The following STPG2 variants were observed in gnomAD, a reference collection of about 807,000 sequenced individuals.
The protein encoded by STPG2 is sperm tail PG-rich repeat containing 2, also known as sperm-tail PG-rich repeat-containing protein 2.
In STPG2, 56 loss-of-function variants were observed where a neutral mutation model predicts 54.2. The observed-to-expected ratio is 1.03, with a 90% CI of 0.83 to 1.29. The LOEUF (loss-of-function observed/expected upper bound fraction) is 1.29. Among genes scored for constraint, STPG2 ranks in the 50% most tolerant of loss-of-function variants. The probability of loss-of-function intolerance (pLI) is 0.00; values close to 1 mark genes in which losing one functional copy is unlikely to be tolerated. For synonymous variants in STPG2, 200 were observed against 181.8 expected, an observed-to-expected ratio of 1.10 and a Z score of -0.81; for missense variants, 596 against 544.9, an observed-to-expected ratio of 1.09 and a Z score of -0.93.
intron 4 of STPG2, among the ~76,000 whole-genome samples, chr4:97,516,339 T>G (rs1378381330): frequency 2.0e-5 from 3 of 152,100 alleles, no homozygotes; most frequent in Non-Finnish European, 2.9e-5. Context: ...CAGACTCATC[T>G]AACCCATTCA....
intron 5 of STPG2, among the ~76,000 whole-genome samples, chr4:98,012,187 C>T (rs903630869): frequency 2.5e-4 from 38 of 152,172 alleles, no homozygotes; most frequent in Non-Finnish European, 7.3e-5. Context: ...GTTTTCCCAG[C>T]ACCACTTATT....
chr4:97,892,924 CA>C (rs1432477406), intron 8 of STPG2: 1 of 152,116 alleles, frequency 6.6e-6, no homozygotes, highest in Non-Finnish European at 1.5e-5. Context: ...TTCTTTTGTA[CA>C]GCAAAATCAA....
chr4:97,579,880 T>A (rs988786980), intron 10 of STPG2, among the ~76,000 whole-genome samples: 7 of 152,048 alleles, frequency 4.6e-5, no homozygotes, highest in Non-Finnish European at 8.8e-5. Flanking sequence ...ACTAATCCCA[T>A]AAGTTGTAGA....
chr4:98,057,655 T>C (rs1214716197), intron 5 of STPG2, among the ~76,000 whole-genome samples: 1 of 152,066 alleles, frequency 6.6e-6, no homozygotes, highest in Admixed American at 6.5e-5. Context: ...CATGAAAACT[T>C]CCCCAACCTA....
In STPG2 at chr4:98,019,462, G is replaced by C. The variant is rs534090519; in HGVS notation, c.613-38144C>G. Reference sequence around the variant, plus strand: ...AAGTCAGGTAGCATGATGCCTCCGGGTTTATTCTTTTGGCTTAGGATTGAC... The same window carrying C: ...AAGTCAGGTAGCATGATGCCTCCGGCTTTATTCTTTTGGCTTAGGATTGAC... On this transcript the variant is annotated intron_variant, in intron 5 of 10. Transcript: ENST00000295268. Among the ~76,000 whole-genome samples the C allele has an allele frequency of 1.1e-3, 163 of 151,988 alleles. 1 individual carries two copies. Among genetic ancestry groups the C allele is most frequent in the South Asian group, 1.7e-3 (8 of 4,814 alleles).
At chr4:97,592,952 G>A (rs1482412707) in intron 10 of STPG2, among the ~76,000 whole-genome samples, 1 of 152,118 alleles carries the variant, frequency 6.6e-6, no homozygotes, top group East Asian at 1.9e-4. Context: ...AGCATTACCA[G>A]GGATGCCCAA....
At chr4:97,594,754 C>T (rs933600656) in intron 10 of STPG2, among the ~76,000 whole-genome samples, 1 of 152,174 alleles carries the variant, frequency 6.6e-6, no homozygotes, top group Non-Finnish European at 1.5e-5. Flanking sequence ...GGGCAGGTCA[C>T]CATCAAAGGG....
At chr4:97,737,209 G>C (rs186293057) in intron 9 of STPG2, among the ~76,000 whole-genome samples, 238 of 152,272 alleles carry the variant, frequency 1.6e-3, no homozygotes, top group African/African-American at 5.6e-3. Context: ...AACCCCATCT[G>C]TATGTCACCA....
chr4:97,508,903 T>C (rs1391326004), intron 4 of STPG2, among the ~76,000 whole-genome samples: 1 of 152,150 alleles, frequency 6.6e-6, no homozygotes, highest in Non-Finnish European at 1.5e-5. Context: ...ACCCATCTCT[T>C]GCATCATAAA....
chr4:97,536,813 C>A (rs987875447), intron 4 of STPG2, among the ~76,000 whole-genome samples: 5 of 152,274 alleles, frequency 3.3e-5, no homozygotes, highest in Admixed American at 3.3e-4. Context: ...GGAACTCATA[C>A]ATCTTAAATA....
At chr4:98,124,426 T>C (rs946544882) in intron 3 of STPG2, among the ~76,000 whole-genome samples, 2 of 152,180 alleles carry the variant, frequency 1.3e-5, no homozygotes, top group Non-Finnish European at 2.9e-5. Flanking sequence ...TATTTCTCCT[T>C]CACTTATGAA....
In STPG2 at chr4:97,850,833, A is replaced by G. The variant is rs113332601; in HGVS notation, c.1045-9901T>C. ...ACTTGGGCACATTGATATTCTAAAT[A>G]AAATTGGGTTCTGTTAGCAAGAAAG... On this transcript the variant is annotated intron_variant, in intron 8 of 10. Transcript: ENST00000295268. Among the ~76,000 whole-genome samples the G allele has an allele frequency of 5.3e-3, 801 of 152,286 alleles. 3 individuals carry two copies. Among genetic ancestry groups the G allele is most frequent in the Middle Eastern group, 0.02 (6 of 294 alleles).
intron 2 of STPG2, among the ~76,000 whole-genome samples, chr4:98,128,967 C>A (rs1739909983): frequency 6.6e-6 from 1 of 152,086 alleles, no homozygotes; most frequent in Non-Finnish European, 1.5e-5. Flanking sequence ...CTCCTGACCT[C>A]AAATGATCTG....
intron 10 of STPG2, among the ~76,000 whole-genome samples, chr4:97,661,451 A>G (rs975039534): frequency 3.3e-5 from 5 of 152,168 alleles, no homozygotes; most frequent in African/African-American, 4.8e-5. Flanking sequence ...ATCCATATCC[A>G]TCATATCATT....
chr4:98,128,769 A>T (rs1015002962), intron 2 of STPG2, among the ~76,000 whole-genome samples, 177 bp from the exon 3 acceptor site: 4 of 152,090 alleles, frequency 2.6e-5, no homozygotes, highest in Non-Finnish European at 5.9e-5. Context: ...TCACTCTGTC[A>T]CCCAGGCTGG....
In STPG2 at chr4:97,952,716, A is replaced by G. The variant is rs1015351375; in HGVS notation, c.934-8709T>C. 9.2e-5 allele frequency among the ~76,000 whole-genome samples: 14 copies of G among 152,130 alleles called. 1 individual carries two copies. The highest frequency in any genetic ancestry group is 7.9e-4 in the Admixed American group (12 of 15,272). ...GACTCTATGAGATTCCTTCGTTATA[A>G]ATAGCCTTAGTGTGTTGGTTTTCTC... On this transcript the variant is annotated intron_variant, in intron 7 of 10. Transcript: ENST00000295268.
At chr4:97,821,289 C>T (rs1291350041) in intron 9 of STPG2, among the ~76,000 whole-genome samples, 1 of 152,166 alleles carries the variant, frequency 6.6e-6, no homozygotes, top group South Asian at 2.1e-4. Flanking sequence ...TCCCTTATTA[C>T]CCCATATCCT....
Position 97,879,629 on chromosome 4 carries a change from G to A in STPG2, c.1045-38697C>T, listed in dbSNP as rs150336142. Reference sequence around the variant, plus strand: ...ACCAGGTCCCCCCTGCAACACATGGGAATTATGGGAGCTACAATTCAAGAT... The same window carrying A: ...ACCAGGTCCCCCCTGCAACACATGGAAATTATGGGAGCTACAATTCAAGAT... On this transcript the variant is annotated intron_variant, in intron 8 of 10. Coordinates refer to ENST00000295268, the MANE Select transcript of STPG2 (RefSeq NM_174952.3). 2.6e-3 allele frequency among the ~76,000 whole-genome samples: 391 copies of A among 152,246 alleles called. 1 individual carries two copies. The highest frequency in any genetic ancestry group is 3.7e-3 in the Non-Finnish European group (255 of 68,010).
intron 5 of STPG2, among the ~76,000 whole-genome samples, chr4:98,073,935 T>C (rs1738081816): frequency 6.6e-6 from 1 of 152,108 alleles, no homozygotes; most frequent in African/African-American, 2.4e-5. Context: ...AATATCAGAA[T>C]CATTGGCAAA....
Sources: allele counts gnomAD v4.1 joint callset (sites outside exome capture counted in the v4.1 genomes callset), GRCh38; gene constraint gnomAD v4.1.1; transcripts MANE v1.5; gene names NCBI Gene and HGNC (gene_info 2026-07-23, HGNC 2026-07-21).